RBFOX1: variants seen among roughly 807,000 people sequenced by gnomAD.
The protein encoded by RBFOX1 is RNA binding protein fox-1 homolog 1.
A neutral mutation model predicts 57.7 loss-of-function variants in RBFOX1; 8 were observed. That is an observed-to-expected ratio of 0.14 (90% CI 0.08 to 0.25). RBFOX1 has a LOEUF of 0.25. Among genes scored for constraint, RBFOX1 ranks in the 10% least tolerant of loss-of-function variants. The probability of loss-of-function intolerance (pLI) is 1.00; values close to 1 mark genes in which losing one functional copy is unlikely to be tolerated. For synonymous variants in RBFOX1, 326 were observed against 222.4 expected (o/e 1.47, Z -4.15); for missense variants, 611 against 548.5 (o/e 1.11, Z -1.14).
chr16:6,229,125 G>A (rs987274016), intron 1 of RBFOX1, among the ~76,000 whole-genome samples: 3 of 152,026 alleles, frequency 2.0e-5, no homozygotes, highest in East Asian at 1.9e-4. Context: ...CCTCTGAGAC[G>A]TAGTTAAGAT....
chr16:6,309,917 GAC>G (rs1484657764), intron 1 of RBFOX1, among the ~76,000 whole-genome samples: 20 of 152,328 alleles, frequency 1.3e-4, no homozygotes, highest in African/African-American at 4.8e-4. Context: ...AGCATTTTGA[GAC>G]AGAGTCTCGC....
chr16:6,142,346 C>T (rs544586636), intron 1 of RBFOX1, among the ~76,000 whole-genome samples: 232 of 151,432 alleles, frequency 1.5e-3, no homozygotes, highest in Middle Eastern at 3.4e-3. Flanking sequence ...CTCAGCCTCC[C>T]GAGTAGCTGG....
At chr16:5,416,269 G>A (rs2067157789) in intron 1 of RBFOX1, among the ~76,000 whole-genome samples, 1 of 152,222 alleles carries the variant, frequency 6.6e-6, no homozygotes, top group Non-Finnish European at 1.5e-5. Flanking sequence ...ACACATTTAT[G>A]CATGTTTGTG....
chr16:6,158,126 G>A (rs987034690), intron 1 of RBFOX1, among the ~76,000 whole-genome samples: 1 of 152,294 alleles, frequency 6.6e-6, no homozygotes, highest in South Asian at 2.1e-4. Flanking sequence ...TGAAAGTGGA[G>A]TGGCTTCTGG....
At chr16:7,108,279 A>G (rs572146870) in intron 4 of RBFOX1, among the ~76,000 whole-genome samples, 1 of 152,318 alleles carries the variant, frequency 6.6e-6, no homozygotes, top group East Asian at 1.9e-4. Flanking sequence ...AGGGAGCTCA[A>G]CATATATGCT....
At chr16:7,301,233 T>C (rs1294229515) in intron 4 of RBFOX1, among the ~76,000 whole-genome samples, 2 of 152,216 alleles carry the variant, frequency 1.3e-5, no homozygotes, top group Non-Finnish European at 1.5e-5. Flanking sequence ...ATGTTATCAA[T>C]GGAAAAGTGT....
chr16:7,568,076 G>A (rs565013700), intron 5 of RBFOX1, among the ~76,000 whole-genome samples: 2 of 152,064 alleles, frequency 1.3e-5, no homozygotes, highest in South Asian at 4.2e-4. Flanking sequence ...CTACTGGAAA[G>A]GGGTCCTGAT....
chr16:5,631,116 T>C (rs1002844729), intron 3 of RBFOX1, among the ~76,000 whole-genome samples: 1 of 152,120 alleles, frequency 6.6e-6, no homozygotes, highest in African/African-American at 2.4e-5. Flanking sequence ...TTTGAAACAA[T>C]CTAAAGCAAA....
chr16:7,200,447 C>G (rs867667910), intron 4 of RBFOX1, among the ~76,000 whole-genome samples: 13 of 152,164 alleles, frequency 8.5e-5, no homozygotes, highest in African/African-American at 2.9e-4. Context: ...GTTTATTGCA[C>G]CTCTATTTAT....
intron 3 of RBFOX1, among the ~76,000 whole-genome samples, chr16:6,864,664 A>T (rs919508759): frequency 1.3e-5 from 2 of 151,918 alleles, no homozygotes; most frequent in African/African-American, 2.4e-5. Flanking sequence ...TTGATGGAAA[A>T]TTCCAAACTG....
intron 4 of RBFOX1, among the ~76,000 whole-genome samples, chr16:7,445,236 T>A (rs1032146821): frequency 6.6e-6 from 1 of 152,036 alleles, no homozygotes; most frequent in Non-Finnish European, 1.5e-5. Flanking sequence ...ATGAGTAAAA[T>A]GAACAGTGGA....
chr16:7,627,850 C>G (rs941554957), intron 10 of RBFOX1, among the ~76,000 whole-genome samples: 2 of 151,274 alleles, frequency 1.3e-5, no homozygotes, highest in African/African-American at 2.4e-5. Context: ...TTAGATAAAA[C>G]AAAAACCAAG....
intron 3 of RBFOX1, among the ~76,000 whole-genome samples, chr16:5,794,557 A>T (rs1384113657): frequency 6.6e-6 from 1 of 151,978 alleles, no homozygotes; most frequent in Non-Finnish European, 1.5e-5. Flanking sequence ...AGATTTGCTC[A>T]TTGGAGAGGT....
At chr16:6,912,776 C>T (rs115942011) in intron 3 of RBFOX1, among the ~76,000 whole-genome samples, 4,964 of 151,668 alleles carry the variant, frequency 0.033, 287 homozygotes, top group African/African-American at 0.11. Context: ...TGCCACCACA[C>T]GTGCCCGCCT....
At chr16:7,431,196 G>T (rs2098676223) in intron 4 of RBFOX1, 1 of 152,048 alleles carries the variant, frequency 6.6e-6, no homozygotes, top group Non-Finnish European at 1.5e-5. Flanking sequence ...TCTAACAAGG[G>T]ATCCTATTTT....
intron 4 of RBFOX1, among the ~76,000 whole-genome samples, chr16:7,079,065 C>G (rs542551471): frequency 6.6e-6 from 1 of 151,832 alleles, no homozygotes; most frequent in East Asian, 1.9e-4. Context: ...CAACTCATGA[C>G]AGCCTGAAGT....
intron 4 of RBFOX1, among the ~76,000 whole-genome samples, chr16:7,212,919 C>T (rs982888224): frequency 6.6e-6 from 1 of 152,120 alleles, no homozygotes; most frequent in African/African-American, 2.4e-5. Context: ...TACATGTAAC[C>T]TAGTATCTAG....
intron 3 of RBFOX1, among the ~76,000 whole-genome samples, chr16:6,676,754 C>A (rs1013896490): frequency 4.1e-5 from 6 of 145,466 alleles, no homozygotes; most frequent in Non-Finnish European, 7.4e-5. Flanking sequence ...AGGGTCACTG[C>A]AACCTTTGCC....
intron 9 of RBFOX1, among the ~76,000 whole-genome samples, chr16:7,603,614 G>C (rs1000180051): frequency 6.6e-6 from 1 of 152,150 alleles, no homozygotes; most frequent in African/African-American, 2.4e-5. Flanking sequence ...AAAAGCTAGA[G>C]AGTTCTCCAA....
Sources: allele counts gnomAD v4.1 joint callset (sites outside exome capture counted in the v4.1 genomes callset), GRCh38; gene constraint gnomAD v4.1.1; transcripts MANE v1.5; gene names NCBI Gene and HGNC (gene_info 2026-07-23, HGNC 2026-07-21).